Variants in SAP30BP observed in about 807,000 individuals in gnomAD.
SAP30BP encodes the protein SAP30 binding protein.
In SAP30BP, 31 loss-of-function variants were observed where a neutral mutation model predicts 46.3. The ratio of observed to expected loss-of-function variants is 0.67; its 90% CI spans 0.50 to 0.90. The LOEUF (loss-of-function observed/expected upper bound fraction) is 0.90. Among genes scored for constraint, SAP30BP ranks in the 40% least tolerant of loss-of-function variants. The pLI, the probability that SAP30BP is intolerant of heterozygous loss-of-function variation, is 0.00. For synonymous variants in SAP30BP, 169 were observed against 144.2 expected, an observed-to-expected ratio of 1.17 and a Z score of -1.23; for missense variants, 312 against 391.0, an observed-to-expected ratio of 0.80 and a Z score of 1.70.
At chr17:75,699,498 G>A (rs1432735389) in intron 4 of SAP30BP, among the ~76,000 whole-genome samples, 1 of 146,088 alleles carries the variant, frequency 6.8e-6, no homozygotes, top group Non-Finnish European at 1.5e-5. Context: ...AGCTGACCCC[G>A]TCTCTTTAAA....
intron 3 of SAP30BP, among the ~76,000 whole-genome samples, chr17:75,687,318 C>T (rs142294682): frequency 3.9e-5 from 6 of 152,044 alleles, no homozygotes; most frequent in Non-Finnish European, 8.8e-5. Context: ...GCCCAGTGTT[C>T]GGAAAGAGGA....
At chr17:75,672,002 C>A in intron 3 of SAP30BP, 139 bp downstream of exon 3, 1 of 750,164 alleles carries the variant, frequency 1.3e-6, no homozygotes, top group Non-Finnish European at 2.4e-6. Context: ...ATAAAATAAG[C>A]TTTATAAAGA....
intron 3 of SAP30BP, among the ~76,000 whole-genome samples, chr17:75,678,463 AACACACACACACACAC>A (rs59943167): frequency 2.0e-5 from 3 of 147,534 alleles, no homozygotes; most frequent in Non-Finnish European, 3.0e-5. Context: ...CACAATTTAA[AACACACACACACACAC>A]ACACACACAC....
chr17:75,705,669 G>A (rs1020291505), intron 9 of SAP30BP: 37 of 1,122,818 alleles, frequency 3.3e-5, no homozygotes, highest in Middle Eastern at 4.1e-4. Flanking sequence ...TCCCCTGTGC[G>A]GGCGGGCACC....
intron 5 of SAP30BP, 50 bp from the exon 6 acceptor site, chr17:75,702,430 G>T (rs1471089029): frequency 4.0e-6 from 3 of 758,668 alleles, no homozygotes; most frequent in South Asian, 3.3e-5. Flanking sequence ...GACGGTGGAG[G>T]GGTGGGCTTC....
intron 4 of SAP30BP, among the ~76,000 whole-genome samples, chr17:75,698,348 A>G (rs1271292385): frequency 6.6e-6 from 1 of 152,264 alleles, no homozygotes; most frequent in Non-Finnish European, 1.5e-5. Context: ...AAAAAGTATC[A>G]TTTATACACA....
chr17:75,704,658 C>G, intron 8 of SAP30BP, 98 bp from the exon 9 acceptor site: 1 of 939,634 alleles, frequency 1.1e-6, no homozygotes, highest in South Asian at 1.3e-5. Context: ...CCATGAAGGC[C>G]TTTAGCCCGC....
intron 3 of SAP30BP, among the ~76,000 whole-genome samples, chr17:75,678,306 A>C (rs372616359): frequency 6.6e-6 from 1 of 152,144 alleles, no homozygotes; most frequent in African/African-American, 2.4e-5. Context: ...ATGGTGTAGC[A>C]TTTGCATTTA....
chr17:75,673,334 TG>T lies in SAP30BP; in HGVS notation c.264+1474del, dbSNP rs370107471. On this transcript the variant is annotated intron_variant, in intron 3 of 10. Transcript: ENST00000584667. ...CTGCCTGAGAACTGGCAAGATGGTA[TG>T]GGCAGACCCATGGCCCCATAGTTCA... is the stretch of plus-strand genomic sequence containing the variant. Among the ~76,000 whole-genome samples, 123 of 152,328 alleles carry T rather than the reference TG, an allele frequency of 8.1e-4. 2 individuals carry two copies. In the South Asian group the frequency reaches 0.017, roughly 21 times the overall value.
At chr17:75,690,856 C>T (rs1297727468) in intron 3 of SAP30BP, 1 of 431,172 alleles carries the variant, frequency 2.3e-6, no homozygotes, top group African/African-American at 2.0e-5. Context: ...CAATGGGAAT[C>T]TGAACCAACA....
chr17:75,667,431 C>A lies in SAP30BP; in HGVS notation c.59C>A (p.Pro20His). The A allele has an allele frequency of 6.2e-7, 1 of 1,614,166 alleles. No individual in the cohort carries two copies. ...GCAGTTTACGCGGAAGATTCAGAGC[C>A]CGAGTCTGATGGCGAGGCTGGAATC... ...SLAVYAEDSE[P>H]ESDGEAGIEA... Residue 20 changes from proline to histidine, a missense_variant, in exon 1 of 11, where the codon CCC (proline) becomes CAC (histidine). Transcript: ENST00000584667.
At chr17:75,705,109 A>G (rs1185047059) in intron 9 of SAP30BP, 2 of 403,784 alleles carry the variant, frequency 5.0e-6, no homozygotes, top group Non-Finnish European at 9.4e-6. Flanking sequence ...GGCCCTTTGT[A>G]GCCTGAAGGG....
At chr17:75,677,346 G>A (rs946556495) in intron 3 of SAP30BP, among the ~76,000 whole-genome samples, 2 of 151,090 alleles carry the variant, frequency 1.3e-5, no homozygotes, top group African/African-American at 2.4e-5. Flanking sequence ...CTTGTGATCT[G>A]CCCGCCTCAG....
intron 2 of SAP30BP, among the ~76,000 whole-genome samples, chr17:75,669,323 A>G (rs2148364994): frequency 6.6e-6 from 1 of 152,110 alleles, no homozygotes; most frequent in Admixed American, 6.5e-5. Context: ...TGCTCACTGC[A>G]ACCTCCACCT....
intron 3 of SAP30BP, among the ~76,000 whole-genome samples, chr17:75,682,471 T>A (rs1030742700): frequency 2.0e-5 from 3 of 152,042 alleles, no homozygotes; most frequent in African/African-American, 7.2e-5. Context: ...AAGCGTGAGC[T>A]GGGATTACGG....
At chr17:75,686,535 A>G (rs1381918172) in intron 3 of SAP30BP, among the ~76,000 whole-genome samples, 4 of 151,970 alleles carry the variant, frequency 2.6e-5, no homozygotes, top group Admixed American at 2.0e-4. Flanking sequence ...AAAAAAAAAA[A>G]GAAAGAAAAA....
At position 75,706,631 on chromosome 17, in the gene SAP30BP, ACC is replaced by A; in HGVS notation, c.*111_*112del. ...GACTGGGACCTACTCCCCAGATGCC[ACC>A]TGAGAGGAGCTTCTGTTTGGCATTC... On this transcript the variant is annotated 3_prime_UTR_variant, in exon 11 of 11. Transcript: ENST00000584667. This position sits in a 1 kb window ranked among gnomAD's most constrained non-coding sequence, Gnocchi z 4.6. 1 of 990,608 alleles carries A rather than the reference ACC, an allele frequency of 1.0e-6. No homozygotes were observed. Among genetic ancestry groups the A allele is most frequent in the South Asian group, 1.6e-5 (1 of 63,062 alleles). The allele number at this position is 990,608 out of a possible 1,614,324, so 61.4% of individuals were successfully genotyped here. A position where few individuals can be genotyped will look rare whatever the true frequency, so the allele number is the denominator to read the frequency against.
In SAP30BP at chr17:75,675,567, T is replaced by A. The variant is rs2059977945; in HGVS notation, c.264+3704T>A. ...TTTTCATTTTGGTTTTATCTATTGA[T>A]GTTTACTATTTTATAAGTTAAAACT... On this transcript the variant is annotated intron_variant, in intron 3 of 10. Coordinates refer to ENST00000584667, the MANE Select transcript of SAP30BP (RefSeq NM_013260.8). Among the ~76,000 whole-genome samples, 5 of 152,232 alleles carry A rather than the reference T, an allele frequency of 3.3e-5. No homozygotes were observed. The South Asian group carries it at 8.3e-4, about 25-fold the overall frequency.
chr17:75,684,240 A>T (rs2148392831), intron 3 of SAP30BP, among the ~76,000 whole-genome samples: 1 of 152,232 alleles, frequency 6.6e-6, no homozygotes, highest in East Asian at 1.9e-4. Context: ...AAATGGAAAT[A>T]ATAATGTCTA....
Sources: allele counts gnomAD v4.1 joint callset (sites outside exome capture counted in the v4.1 genomes callset), GRCh38; gene constraint gnomAD v4.1.1; non-coding constraint Gnocchi (gnomAD v3.1); transcripts MANE v1.5; gene names NCBI Gene and HGNC (gene_info 2026-07-23, HGNC 2026-07-21).